ACSM2A: variants seen among roughly 807,000 people sequenced by gnomAD.
ACSM2A encodes the protein acyl-coenzyme A synthetase ACSM2A, mitochondrial.
ACSM2A carries 72 observed loss-of-function variants against 76.6 expected under a neutral mutation model. That is an observed-to-expected ratio of 0.94 (90% CI 0.78 to 1.14). The LOEUF (loss-of-function observed/expected upper bound fraction) is 1.14. Ranked by LOEUF, ACSM2A falls within the 50% of genes most tolerant of loss-of-function variation. ACSM2A has a pLI of 0.00. For synonymous variants in ACSM2A, 249 were observed against 255.9 expected, an observed-to-expected ratio of 0.97 and a Z score of 0.26; for missense variants, 684 against 708.5, an observed-to-expected ratio of 0.97 and a Z score of 0.39.
At chr16:20,470,736 T>A in intron 4 of ACSM2A, 1 of 494,056 alleles carries the variant, frequency 2.0e-6, no homozygotes, top group Non-Finnish European at 4.0e-6. Flanking sequence ...TTAGCATTTA[T>A]TGAGTTCTTA....
intron 9 of ACSM2A, 68 bp from the exon 10 acceptor site, chr16:20,478,508 A>AT (rs1452862315): frequency 3.7e-5 from 58 of 1,557,552 alleles, no homozygotes; most frequent in Non-Finnish European, 4.9e-5. Context: ...CAATTCAGCA[A>AT]TCTCATGATG....
chr16:20,476,067 A>G lies in ACSM2A; in HGVS notation c.1098+294A>G. ...TGCGATGGAAAAAGTAAAGTAGATG[A>G]CATGGGGTGAGAAGTTGGTAAATCA... On this transcript the variant is annotated intron_variant, in intron 8 of 13. Transcript: ENST00000573854. 79 of 1,057,534 alleles carry G rather than the reference A, an allele frequency of 7.5e-5. 1 individual carries two copies. Among genetic ancestry groups the G allele is most frequent in the Non-Finnish European group, 9.2e-5 (77 of 838,482 alleles). 65.5% of individuals were successfully genotyped at this position (1,057,534 alleles called of 1,614,324 possible).
rs761108312 is a variant in ACSM2A, at chr16:20,465,542, C to T, written c.203C>T (p.Ala68Val). 5.6e-6 allele frequency: 9 copies of T among 1,613,936 alleles called. No individual in the cohort carries two copies. In the East Asian group the frequency reaches 2.0e-4, roughly 36 times the overall value. The change falls in exon 3 of 14, where the codon GCC (alanine) becomes GTC (valine). Residue 68 changes from alanine to valine, a missense_variant. Ala to Val is a moderately conservative substitution (Grantham distance 64). Around this residue, in one of 3 missense-constraint regions of ACSM2A, gnomAD observed 519 missense variants for 549.5 expected, o/e 0.94. Transcript: ENST00000573854. Reference sequence around the variant, plus strand: ...GCTGGCAAGCGACTCCCAAGCCCAGCCCTGTGGTGGGTGAATGGGAAGGGG... The same window carrying T: ...GCTGGCAAGCGACTCCCAAGCCCAGTCCTGTGGTGGGTGAATGGGAAGGGG... ...EKAGKRLPSP[A>V]LWWVNGKGKE...
intron 12 of ACSM2A, 129 bp downstream of exon 12, chr16:20,481,050 C>G (rs1386344109): frequency 2.3e-5 from 27 of 1,179,996 alleles, no homozygotes; most frequent in Non-Finnish European, 1.3e-5. Flanking sequence ...CACTTACTAG[C>G]TATGTGACCT....
chr16:20,483,064 A>T lies in ACSM2A; in HGVS notation c.1516A>T (p.Lys506Ter). 1.2e-6 allele frequency: 2 copies of T among 1,613,752 alleles called. No individual in the cohort carries two copies. The highest frequency in any genetic ancestry group is 1.7e-6 in the Non-Finnish European group (2 of 1,179,794). ...GCCTTCATCTTTTTTGCAGGTGGTG[A>T]AGGCATTTGTGGTCCTGGCCTCGCA... ...SPDPVRGEVVKAFVVLASQFL... is the reference protein window; with the variant it reads ...SPDPVRGEVV The change falls in exon 13 of 14, where the codon AAG (lysine) becomes TAG (stop). Residue 506 changes from lysine (K) to a stop codon, truncating the protein, a stop_gained. Transcript: ENST00000573854. LOFTEE classifies it high-confidence loss of function.
chr16:20,478,450 G>C, intron 9 of ACSM2A, 126 bp from the exon 10 acceptor site: 2 of 1,091,862 alleles, frequency 1.8e-6, no homozygotes, highest in Non-Finnish European at 2.5e-6. Flanking sequence ...CCTGGCTTCT[G>C]GTTGTTGTTT....
At chr16:20,476,451 T>G (rs1162439588) in intron 8 of ACSM2A, 5 of 985,468 alleles carry the variant, frequency 5.1e-6, no homozygotes, top group Non-Finnish European at 4.8e-6. Context: ...ATGAGTACCC[T>G]TGGAAGAACT....
intron 9 of ACSM2A, among the ~76,000 whole-genome samples, chr16:20,478,195 C>A (rs1394677): frequency 0.4 from 61,514 of 152,012 alleles, 14,380 homozygotes; most frequent in East Asian, 0.79. Flanking sequence ...GCACTGAAGC[C>A]CAGAGTTTAA....
intron 1 of ACSM2A, chr16:20,451,949 A>T (rs1213580209): frequency 6.6e-6 from 1 of 151,174 alleles, no homozygotes; most frequent in Non-Finnish European, 1.5e-5. Flanking sequence ...TCAGAGAAGG[A>T]TGAATCTCAG....
chr16:20,470,639 A>G (rs569053599), intron 4 of ACSM2A, among the ~76,000 whole-genome samples: 77 of 152,314 alleles, frequency 5.1e-4, no homozygotes, highest in South Asian at 2.1e-3. Context: ...ATAGAAGAGA[A>G]TGCCAAGAAA....
chr16:20,478,530 A>G (rs1345108077), intron 9 of ACSM2A, 46 bp from the exon 10 acceptor site: 4 of 1,590,620 alleles, frequency 2.5e-6, no homozygotes, highest in East Asian at 2.3e-5. Flanking sequence ...CATTGAAGCC[A>G]TCTCCTGCTG....
intron 9 of ACSM2A, 145 bp downstream of exon 9, chr16:20,477,594 G>C: frequency 7.0e-7 from 1 of 1,421,618 alleles, no homozygotes; most frequent in South Asian, 1.8e-5. Flanking sequence ...AGGGAGGTTG[G>C]GGGAAGGAAA....
chr16:20,475,389 A>G lies in ACSM2A; in HGVS notation c.922A>G (p.Met308Val), dbSNP rs778209855. The G allele has an allele frequency of 2.5e-6, 4 of 1,613,688 alleles. No homozygotes were observed. Among genetic ancestry groups the G allele is most frequent in the East Asian group, 2.2e-5 (1 of 44,894 alleles). ...KTLSSYPIKS[M>V]MGAPIVYRML... ...ACTCTCCAGTTATCCAATCAAGAGT[A>G]TGATGGGTGCCCCCATTGTTTACCG... is the stretch of plus-strand genomic sequence containing the variant. The change falls in exon 7 of 14, where the codon ATG becomes GTG. Residue 308 changes from methionine to valine, a missense_variant. Met to Val is a conservative substitution (Grantham distance 21, BLOSUM62 1). Transcript: ENST00000573854.
At position 20,465,662 on chromosome 16, in the gene ACSM2A, G is replaced by C. The variant is rs550591285; in HGVS notation, c.323G>C (p.Arg108Pro). 131 of 1,613,918 alleles carry C rather than the reference G, an allele frequency of 8.1e-5. No individual in the cohort carries two copies. The African/African-American group carries it at 1.5e-3, about 18-fold the overall frequency. The change falls in exon 3 of 14, where the codon CGT becomes CCT. Residue 108 changes from arginine (R) to proline (P), a missense_variant. Arg to Pro is a moderately radical substitution (Grantham distance 103). This residue lies in a region of ACSM2A where 519 missense variants were observed against 549.5 expected (regional missense o/e 0.94). Transcript: ENST00000573854. ...GCCTGTGGCCTGCAGCGTGGGGATC[G>C]TGTGGCAGTGGTGCTGCCCCGAGTG... ...SGACGLQRGDRVAVVLPRVPE... is the reference protein window; with the variant it reads ...SGACGLQRGDPVAVVLPRVPE...
At chr16:20,486,013 C>T (rs143491505) in intron 13 of ACSM2A, among the ~76,000 whole-genome samples, 2 of 152,316 alleles carry the variant, frequency 1.3e-5, no homozygotes, top group African/African-American at 2.4e-5. Flanking sequence ...GCTTAGGGTA[C>T]ATTGATAGGA....
intron 13 of ACSM2A, among the ~76,000 whole-genome samples, chr16:20,483,568 T>TAAAA (rs1365960981): frequency 1.9e-4 from 1 of 5,140 alleles, no homozygotes; most frequent in Non-Finnish European, 1.0e-3. Context: ...AGACTCTGTC[T>TAAAA]CAAAAAAAAA....
intron 2 of ACSM2A, among the ~76,000 whole-genome samples, chr16:20,461,994 C>G (rs2012651769): frequency 6.6e-6 from 1 of 152,104 alleles, no homozygotes; most frequent in African/African-American, 2.4e-5. Flanking sequence ...TCTTCAAGTG[C>G]TGAGTTTGTT....
At chr16:20,460,498 C>T (rs1255350687) in intron 2 of ACSM2A, among the ~76,000 whole-genome samples, 1 of 152,142 alleles carries the variant, frequency 6.6e-6, no homozygotes, top group African/African-American at 2.4e-5. Context: ...AGGAATGTGG[C>T]AACCTGGTAA....
rs753848335 is a variant in ACSM2A, at chr16:20,480,810, G to T, written c.1410-12G>T. ...GTGTCCAGTGTTCTCTGAAGGACAGGTTCTTCTGCAGGTACCGGATTGGAC... is the reference window on the plus strand; with the variant it reads ...GTGTCCAGTGTTCTCTGAAGGACAGTTTCTTCTGCAGGTACCGGATTGGAC... On this transcript the variant is annotated splice_polypyrimidine_tract_variant and intron_variant, in intron 11 of 13. Coordinates refer to ENST00000573854, the MANE Select transcript of ACSM2A (RefSeq NM_001308172.2). The T allele has an allele frequency of 7.4e-6, 12 of 1,613,926 alleles. No individual in the cohort carries two copies. The highest frequency in any genetic ancestry group is 1.0e-5 in the Non-Finnish European group (12 of 1,179,860).
Sources: gnomAD v4.1 joint callset for allele counts (sites outside exome capture counted in the v4.1 genomes callset) on GRCh38, gnomAD v4.1.1 for gene constraint, gnomAD v4.1.1 regional missense constraint, MANE v1.5 for transcripts, NCBI Gene and HGNC (gene_info 2026-07-23, HGNC 2026-07-21) for gene names.